The following CASTOR2 variants were observed in gnomAD, a reference collection of about 807,000 sequenced individuals.
CASTOR2 encodes the protein cytosolic arginine sensor for mTORC1 subunit 2.
A neutral mutation model predicts 31.2 loss-of-function variants in CASTOR2; 8 were observed. The observed-to-expected ratio is 0.26, with a 90% CI of 0.15 to 0.46. CASTOR2 has a LOEUF of 0.46. Among genes scored for constraint, CASTOR2 ranks in the 20% least tolerant of loss-of-function variants. The pLI, the probability that CASTOR2 is intolerant of heterozygous loss-of-function variation, is 0.99. For missense variants in CASTOR2, 216 were observed against 382.1 expected, an observed-to-expected ratio of 0.57 and a Z score of 3.62; for synonymous variants, 162 against 158.7, an observed-to-expected ratio of 1.02 and a Z score of -0.16.
chr7:74,996,544 C>A (rs1804351040), intron 1 of CASTOR2, among the ~76,000 whole-genome samples: 1 of 151,366 alleles, frequency 6.6e-6, no homozygotes, highest in East Asian at 1.9e-4. Context: ...TTGGAAAGGT[C>A]AGAGGTTGTG....
intron 2 of CASTOR2, among the ~76,000 whole-genome samples, chr7:75,011,542 G>T (rs1249603945): frequency 3.3e-5 from 5 of 151,812 alleles, no homozygotes; most frequent in Non-Finnish European, 5.9e-5. Flanking sequence ...AGACCATCCT[G>T]GCTAACATGG....
Position 75,026,377 on chromosome 7 carries a change from G to A in CASTOR2, c.*1678G>A, listed in dbSNP as rs1805133041. 6.6e-6 allele frequency among the ~76,000 whole-genome samples: 1 copy of A among 151,720 alleles called. No individual in the cohort carries two copies. ...GCTAGTTATTGTATTTTTTAATAGA[G>A]ACGGGATTTCGTAACATTGCTCAGG... On this transcript the variant is annotated 3_prime_UTR_variant, in exon 9 of 9. Transcript: ENST00000616305.
intron 1 of CASTOR2, among the ~76,000 whole-genome samples, chr7:74,992,239 C>A (rs1255079656): frequency 6.6e-6 from 1 of 152,102 alleles, no homozygotes; most frequent in Non-Finnish European, 1.5e-5. Context: ...CATCCCTTCT[C>A]TGATCCTGGG....
Position 75,012,887 on chromosome 7 carries a change from C to T in CASTOR2, c.185-4711C>T, listed in dbSNP as rs147947329. On this transcript the variant is annotated intron_variant, in intron 2 of 8. Transcript: ENST00000616305. ...CTCCTGACCTCAAGTGATCCACCCG[C>T]CTCAGCCTTCCAAATTTCCAAAGTG... Among the ~76,000 whole-genome samples the T allele has an allele frequency of 4.1e-3, 617 of 152,164 alleles. 3 individuals are homozygous for T. Among genetic ancestry groups the T allele is most frequent in the Non-Finnish European group, 7.5e-3 (509 of 68,014 alleles).
intron 5 of CASTOR2, among the ~76,000 whole-genome samples, chr7:75,019,838 C>T (rs985930562): frequency 2.0e-5 from 3 of 152,192 alleles, no homozygotes; most frequent in Non-Finnish European, 2.9e-5. Context: ...GGCCGGGCCT[C>T]CAGTACTGCA....
chr7:75,022,364 G>A (rs1019431735), intron 7 of CASTOR2, among the ~76,000 whole-genome samples: 2 of 152,142 alleles, frequency 1.3e-5, no homozygotes, highest in South Asian at 2.1e-4. Context: ...AATTAGCTGG[G>A]CATGGTGGCT....
chr7:74,972,144 A>T (rs1374729051), intron 1 of CASTOR2, among the ~76,000 whole-genome samples: 3 of 141,652 alleles, frequency 2.1e-5, no homozygotes, highest in Non-Finnish European at 3.1e-5. Context: ...ACACCTGGTT[A>T]ATTTATTTTA....
chr7:74,993,538 C>T (rs1429852625), intron 1 of CASTOR2, among the ~76,000 whole-genome samples: 4 of 150,302 alleles, frequency 2.7e-5, no homozygotes, highest in African/African-American at 9.9e-5. Context: ...GCAACATCCA[C>T]CTCCTGGGTT....
chr7:75,015,740 G>C (rs1291072660), intron 2 of CASTOR2, among the ~76,000 whole-genome samples: 4,693 of 152,166 alleles, frequency 0.031, 84 homozygotes, highest in East Asian at 0.048. Flanking sequence ...CAGGTCCAGG[G>C]TTTCTGGACC....
chr7:75,028,861 A>G lies in CASTOR2; in HGVS notation c.*4162A>G, dbSNP rs1177452030. ...CTGACCCTGGTAGCTTCCCCTCCCC[A>G]AGATTCAGAGGCGGGGACCCAAAGC... On this transcript the variant is annotated 3_prime_UTR_variant, in exon 9 of 9. Coordinates refer to ENST00000616305, the MANE Select transcript of CASTOR2 (RefSeq NM_001145064.3). Among the ~76,000 whole-genome samples the G allele has an allele frequency of 1.3e-5, 2 of 152,098 alleles. No individual in the cohort carries two copies. The highest frequency in any genetic ancestry group is 2.9e-5 in the Non-Finnish European group (2 of 68,000).
Position 75,024,833 on chromosome 7 carries a change from C to G in CASTOR2, c.*134C>G. 6.5e-7 allele frequency: 1 copy of G among 1,546,412 alleles called. No individual in the cohort carries two copies. The highest frequency in any genetic ancestry group is 8.7e-7 in the Non-Finnish European group (1 of 1,145,062). ...GGAAGGGGCCTCTGTGGGAGACTCC[C>G]TCGATTGCCAATCCCTCCAGGGCAG... On this transcript the variant is annotated 3_prime_UTR_variant, in exon 9 of 9. Coordinates refer to ENST00000616305, the MANE Select transcript of CASTOR2 (RefSeq NM_001145064.3).
rs868990718 is a variant in CASTOR2 at position 74,977,876 on chromosome 7, A to C, written c.113+12778A>C. Among the ~76,000 whole-genome samples, 6 of 150,832 alleles carry C rather than the reference A, an allele frequency of 4.0e-5. 1 individual carries two copies. The highest frequency in any genetic ancestry group is 7.3e-5 in the African/African-American group (3 of 41,118). On this transcript the variant is annotated intron_variant, in intron 1 of 8. Transcript: ENST00000616305. ...GTTTTTTTTGTAGAGATGGGGTCTC[A>C]CTATGTTGCCCAGGCTGGTCTCGAA...
chr7:74,974,441 G>C (rs1246288692), intron 1 of CASTOR2, among the ~76,000 whole-genome samples: 1 of 150,882 alleles, frequency 6.6e-6, no homozygotes, highest in Non-Finnish European at 1.5e-5. Context: ...CCCACACAGG[G>C]GGCATGGCTG....
At chr7:75,013,132 G>A (rs1399355748) in intron 2 of CASTOR2, among the ~76,000 whole-genome samples, 5 of 151,950 alleles carry the variant, frequency 3.3e-5, no homozygotes, top group Admixed American at 1.3e-4. Context: ...CTGTCACCCC[G>A]TTCTGCAAAC....
In CASTOR2 at chr7:75,027,897, A is replaced by G. The variant is rs1041647865; in HGVS notation, c.*3198A>G. 7.1e-6 allele frequency: 7 copies of G among 979,862 alleles called. No individual in the cohort carries two copies. The highest frequency in any genetic ancestry group is 6.4e-5 in the African/African-American group (4 of 62,044). The allele number at this position is 979,862 out of a possible 1,614,324, so 60.7% of individuals were successfully genotyped here. ...GGCCGTCTGCCCTTGTCCCCCAGCT[A>G]TCTCCTGGTCTGCTGGGTGGGAGGG... is the stretch of plus-strand genomic sequence containing the variant. On this transcript the variant is annotated 3_prime_UTR_variant, in exon 9 of 9. Transcript: ENST00000616305.
At chr7:75,018,909 C>T (rs2131954987) in intron 4 of CASTOR2, 63 bp from the exon 5 acceptor site, 1 of 1,551,494 alleles carries the variant, frequency 6.4e-7, no homozygotes, top group East Asian at 2.4e-5. Context: ...CCAGGCCCTG[C>T]ACCCACCAGA....
chr7:74,999,027 G>T (rs1413780040), intron 1 of CASTOR2, among the ~76,000 whole-genome samples: 42 of 151,242 alleles, frequency 2.8e-4, no homozygotes, highest in Admixed American at 2.8e-3. Flanking sequence ...ATGGAGTCTC[G>T]CTCTGTTGCC....
intron 1 of CASTOR2, among the ~76,000 whole-genome samples, chr7:74,996,561 G>A (rs1225090632): frequency 3.3e-4 from 50 of 151,344 alleles, no homozygotes; most frequent in African/African-American, 1.2e-3. Context: ...TGTGTGTCTC[G>A]GTGTGCGTTC....
chr7:74,996,791 C>T (rs1394849113), intron 1 of CASTOR2, among the ~76,000 whole-genome samples: 15 of 120,272 alleles, frequency 1.2e-4, no homozygotes, highest in Admixed American at 2.3e-4. Flanking sequence ...TGCAGTGGCG[C>T]GATCTCGGCT....
Sources: gnomAD v4.1 joint callset for allele counts (sites outside exome capture counted in the v4.1 genomes callset) on GRCh38, gnomAD v4.1.1 for gene constraint, MANE v1.5 for transcripts, NCBI Gene and HGNC (gene_info 2026-07-23, HGNC 2026-07-21) for gene names.